RBFOX1: variants seen among roughly 807,000 people sequenced by gnomAD.
The protein encoded by RBFOX1 is RNA binding protein fox-1 homolog 1.
RBFOX1 carries 8 observed loss-of-function variants against 57.7 expected under a neutral mutation model. The observed-to-expected ratio is 0.14, with a 90% CI of 0.08 to 0.25. The LOEUF (loss-of-function observed/expected upper bound fraction) is 0.25. Ranked by LOEUF, RBFOX1 falls within the 10% of genes least tolerant of loss-of-function variation. RBFOX1 has a pLI of 1.00. For synonymous variants in RBFOX1, 326 were observed against 222.4 expected, an observed-to-expected ratio of 1.47 and a Z score of -4.15; for missense variants, 611 against 548.5, an observed-to-expected ratio of 1.11 and a Z score of -1.14.
At position 5,946,146 on chromosome 16, in the gene RBFOX1, G is replaced by T. The variant is rs929044361; in HGVS notation, c.351+78811G>T. On this transcript the variant is annotated intron_variant, in intron 4 of 19. Coordinates refer to the RBFOX1 transcript ENST00000641259. This position sits in a 1 kb window ranked among gnomAD's most constrained non-coding sequence, Gnocchi z 4.6. ...ATTTTGTTAATAGACCACCACTCCTGTCCTAACATGGCAGGATGTGATGGA... is the reference window on the plus strand; with the variant it reads ...ATTTTGTTAATAGACCACCACTCCTTTCCTAACATGGCAGGATGTGATGGA... Among the ~76,000 whole-genome samples the T allele has an allele frequency of 6.6e-6, 1 of 152,186 alleles. No individual in the cohort carries two copies. The highest frequency in any genetic ancestry group is 1.9e-4 in the East Asian group (1 of 5,196).
intron 10 of RBFOX1, among the ~76,000 whole-genome samples, chr16:7,611,928 C>T (rs561423289): frequency 5.9e-5 from 9 of 152,258 alleles, no homozygotes; most frequent in South Asian, 2.1e-4. Flanking sequence ...TTAATATAAA[C>T]CTTCTCCCAG....
chr16:6,588,230 G>T (rs1300759873), intron 2 of RBFOX1, among the ~76,000 whole-genome samples: 1 of 150,380 alleles, frequency 6.6e-6, no homozygotes, highest in Non-Finnish European at 1.5e-5. Flanking sequence ...ACTGTGTCTC[G>T]GGAAAAAAAA....
At chr16:5,503,049 A>G (rs887466595) in intron 2 of RBFOX1, among the ~76,000 whole-genome samples, 4 of 152,168 alleles carry the variant, frequency 2.6e-5, no homozygotes, top group Admixed American at 6.5e-5. Flanking sequence ...GCCCCATGCA[A>G]GTGTGGAAGC....
chr16:6,892,773 TCCCTCTCTCTCTCTC>T (rs2065791227), intron 3 of RBFOX1, among the ~76,000 whole-genome samples: 1 of 63,124 alleles, frequency 1.6e-5, no homozygotes, highest in Non-Finnish European at 3.3e-5. Context: ...CCTCCCTGTC[TCCCTCTCTCTCTCTC>T]TCTCTCTCTC....
rs189786526 is a variant in RBFOX1 at position 5,449,710 on chromosome 16, G to A, written c.220-17506G>A. 2.5e-3 allele frequency among the ~76,000 whole-genome samples: 382 copies of A among 152,288 alleles called. 1 individual carries two copies. The highest frequency in any genetic ancestry group is 8.8e-3 in the African/African-American group (367 of 41,562). On this transcript the variant is annotated intron_variant, in intron 1 of 2. Coordinates refer to the RBFOX1 transcript ENST00000585867. ...TGCAACCGCAAACTCCTGGGCTCAAGTGATCCTCCCACCTCAGCCCCCCGA... is the reference window on the plus strand; with the variant it reads ...TGCAACCGCAAACTCCTGGGCTCAAATGATCCTCCCACCTCAGCCCCCCGA...
In RBFOX1 at chr16:5,850,918, G is replaced by A. The variant is rs141311045; in HGVS notation, c.319-16385G>A. ...TTTTAAAGGCTGGGACAGCAGGTGC[G>A]CAGCCTGGCTGGAGATGGCATCGGG... On this transcript the variant is annotated intron_variant, in intron 3 of 19. Transcript: ENST00000641259. 4.3e-3 allele frequency among the ~76,000 whole-genome samples: 654 copies of A among 152,322 alleles called. 7 individuals are homozygous for A. Among genetic ancestry groups the A allele is most frequent in the Middle Eastern group, 0.014 (4 of 294 alleles).
chr16:7,487,098 C>T (rs908822798), intron 4 of RBFOX1, among the ~76,000 whole-genome samples: 6 of 152,230 alleles, frequency 3.9e-5, no homozygotes, highest in African/African-American at 1.4e-4. Context: ...TGAGGTTTCT[C>T]CATGTTGGGC....
chr16:7,238,121 G>C (rs777622974), intron 4 of RBFOX1, among the ~76,000 whole-genome samples: 26 of 152,288 alleles, frequency 1.7e-4, no homozygotes, highest in Non-Finnish European at 2.9e-4. Flanking sequence ...ACTTATATGA[G>C]GTGCCCATAG....
chr16:6,409,738 C>G (rs1398916585), intron 2 of RBFOX1, among the ~76,000 whole-genome samples: 1 of 152,134 alleles, frequency 6.6e-6, no homozygotes, highest in Non-Finnish European at 1.5e-5. Context: ...CTTAAGCCAG[C>G]AAGAAATTTA....
At chr16:7,359,872 T>G (rs940302940) in intron 4 of RBFOX1, among the ~76,000 whole-genome samples, 4 of 152,030 alleles carry the variant, frequency 2.6e-5, no homozygotes, top group African/African-American at 9.7e-5. Context: ...TAGTCCCAGC[T>G]GCTGGGGAGG....
intron 3 of RBFOX1, among the ~76,000 whole-genome samples, chr16:5,825,504 T>C (rs1201898151): frequency 6.6e-6 from 1 of 152,238 alleles, no homozygotes; most frequent in Non-Finnish European, 1.5e-5. Flanking sequence ...TTTAGGAGCA[T>C]TCATAAACTT....
intron 3 of RBFOX1, among the ~76,000 whole-genome samples, chr16:5,660,865 C>G (rs993552833): frequency 6.6e-6 from 1 of 152,100 alleles, no homozygotes; most frequent in Non-Finnish European, 1.5e-5. Context: ...TCTGAGCTGG[C>G]TTTCCTATGG....
chr16:7,145,298 G>A (rs1485728539), intron 4 of RBFOX1, among the ~76,000 whole-genome samples: 3 of 152,086 alleles, frequency 2.0e-5, no homozygotes, highest in Non-Finnish European at 4.4e-5. Flanking sequence ...TCAACTTCCC[G>A]GGTACAAGAG....
intron 3 of RBFOX1, among the ~76,000 whole-genome samples, chr16:6,922,892 C>G (rs1425336003): frequency 6.6e-6 from 1 of 152,140 alleles, no homozygotes; most frequent in Non-Finnish European, 1.5e-5. Flanking sequence ...AAGTCTTAAA[C>G]AAGGGGGTCT....
At chr16:7,688,601 G>C (rs867485293) in intron 14 of RBFOX1, among the ~76,000 whole-genome samples, 2 of 152,138 alleles carry the variant, frequency 1.3e-5, no homozygotes, top group South Asian at 4.1e-4. Context: ...ACTGCCAAGA[G>C]ATGAGATTTA....
At chr16:6,243,494 C>G (rs755280361) in intron 1 of RBFOX1, among the ~76,000 whole-genome samples, 4 of 152,138 alleles carry the variant, frequency 2.6e-5, no homozygotes, top group Non-Finnish European at 5.9e-5. Context: ...CTCCCTCCCT[C>G]CACACTCCTG....
At chr16:7,629,832 G>T (rs1362324926) in intron 10 of RBFOX1, among the ~76,000 whole-genome samples, 1 of 152,250 alleles carries the variant, frequency 6.6e-6, no homozygotes, top group East Asian at 1.9e-4. Flanking sequence ...GCCGCAGTTT[G>T]CAGGATGAGC....
intron 1 of RBFOX1, among the ~76,000 whole-genome samples, chr16:6,298,252 C>A (rs1216037845): frequency 2.0e-5 from 3 of 152,142 alleles, no homozygotes; most frequent in Admixed American, 6.5e-5. Flanking sequence ...TCAGGGAACT[C>A]TCTTGTTTCA....
chr16:6,916,379 G>A (rs983679779), intron 3 of RBFOX1, among the ~76,000 whole-genome samples: 1 of 152,120 alleles, frequency 6.6e-6, no homozygotes, highest in African/African-American at 2.4e-5. Flanking sequence ...CTGTGCATGG[G>A]GTTTGGATGT....
Sources: gnomAD v4.1 joint callset for allele counts (sites outside exome capture counted in the v4.1 genomes callset) on GRCh38, gnomAD v4.1.1 for gene constraint, Gnocchi (gnomAD v3.1) non-coding constraint, MANE v1.5 for transcripts, NCBI Gene and HGNC (gene_info 2026-07-23, HGNC 2026-07-21) for gene names.